Variants in NECAP1 observed in about 807,000 individuals in gnomAD.
NECAP1 encodes adaptin ear-binding coat-associated protein 1.
A neutral mutation model predicts 33.4 loss-of-function variants in NECAP1; 13 were observed. The ratio of observed to expected loss-of-function variants is 0.39; its 90% CI spans 0.25 to 0.62. The LOEUF (loss-of-function observed/expected upper bound fraction) is 0.62. NECAP1 is among the 20% of genes least tolerant of loss of function. The probability of loss-of-function intolerance (pLI) is 0.52; values close to 1 mark genes in which losing one functional copy is unlikely to be tolerated. For missense variants in NECAP1, 272 were observed against 347.4 expected (o/e 0.78, Z 1.73); for synonymous variants, 109 against 125.2 (o/e 0.87, Z 0.86).
In NECAP1 at chr12:8,096,178, T is replaced by G; in HGVS notation, c.*88T>G. Reference sequence around the variant, plus strand: ...CTGTGAGGGAAGTTAGGAACCCATTTCCTCCCCAGAACCAGAATGACTGGA... The same window carrying G: ...CTGTGAGGGAAGTTAGGAACCCATTGCCTCCCCAGAACCAGAATGACTGGA... On this transcript the variant is annotated 3_prime_UTR_variant, in exon 8 of 8. Transcript: ENST00000339754. The G allele has an allele frequency of 7.4e-7, 1 of 1,352,256 alleles. No individual in the cohort carries two copies. The highest frequency in any genetic ancestry group is 1.0e-6 in the Non-Finnish European group (1 of 964,210). 83.8% of individuals were successfully genotyped at this position (1,352,256 alleles called of 1,614,324 possible).
chr12:8,086,642 G>A (rs1005309236), intron 1 of NECAP1, among the ~76,000 whole-genome samples: 2 of 150,106 alleles, frequency 1.3e-5, no homozygotes, highest in Non-Finnish European at 3.0e-5. Flanking sequence ...ACTTACAAAT[G>A]CTTAGAAAAC....
chr12:8,093,107 G>C (rs1394310074), intron 6 of NECAP1, 52 bp downstream of exon 6: 1 of 1,541,970 alleles, frequency 6.5e-7, no homozygotes, highest in African/African-American at 1.4e-5. Context: ...TTTTAATTAA[G>C]CAACACCTGT....
rs750453987 is a variant in NECAP1 at position 8,090,310 on chromosome 12, T to A, written c.301+11T>A. 6.2e-7 allele frequency: 1 copy of A among 1,612,206 alleles called. No individual in the cohort carries two copies. The highest frequency in any genetic ancestry group is 2.2e-5 in the East Asian group (1 of 44,876). ...TCCAGGATGGTACTGGTAAGAGAAC[T>A]GGGATTTTGAGTGGAACGAAGTTAG... On this transcript the variant is annotated intron_variant, in intron 3 of 7. Transcript: ENST00000339754.
intron 1 of NECAP1, among the ~76,000 whole-genome samples, chr12:8,086,389 G>C (rs1052772073): frequency 6.6e-6 from 1 of 152,110 alleles, no homozygotes; most frequent in African/African-American, 2.4e-5. Flanking sequence ...GAGGCGCACG[G>C]ATCACTTAAG....
At chr12:8,085,308 G>A (rs111859734) in intron 1 of NECAP1, among the ~76,000 whole-genome samples, 5,114 of 152,158 alleles carry the variant, frequency 0.034, 105 homozygotes, top group Non-Finnish European at 0.038. Flanking sequence ...GTGAGCCACC[G>A]CACCCGGCCT....
Position 8,090,265 on chromosome 12 carries a change from C to A in NECAP1, c.267C>A (p.Ser89Arg). Residue 89 changes from serine to arginine, a missense_variant, in exon 3 of 8, where the codon AGC becomes AGA. Coordinates refer to ENST00000339754, the MANE Select transcript of NECAP1 (RefSeq NM_015509.4). ...CTGTGGAGACGGTGACAGATTCTAG[C>A]CGCTACTTTGTAATCCGGATCCAGG... Reference protein sequence around the residue: ...GIAVETVTDSSRYFVIRIQDG... With the variant: ...GIAVETVTDSRRYFVIRIQDG... The A allele has an allele frequency of 6.2e-7, 1 of 1,614,150 alleles. No homozygotes were observed. Among genetic ancestry groups the A allele is most frequent in the Non-Finnish European group, 8.5e-7 (1 of 1,180,022 alleles).
rs761008417 is a variant in NECAP1 at position 8,091,753 on chromosome 12, C to T, written c.302-16C>T. 6 of 1,613,296 alleles carry T rather than the reference C, an allele frequency of 3.7e-6. No homozygotes were observed. The South Asian group carries it at 6.6e-5, about 18-fold the overall frequency. ...AGAGGATACTTCCTAGTCGAGTCTT[C>T]CTACGTTTTCCACAGGGCGCAGTGC... On this transcript the variant is annotated splice_polypyrimidine_tract_variant and intron_variant, in intron 3 of 7. Coordinates refer to ENST00000339754, the MANE Select transcript of NECAP1 (RefSeq NM_015509.4).
In NECAP1 at chr12:8,090,259, T is replaced by C; in HGVS notation, c.261T>C (p.Asp87=). 6.2e-7 allele frequency: 1 copy of C among 1,614,206 alleles called. No individual in the cohort carries two copies. The highest frequency in any genetic ancestry group is 1.6e-4 in the Middle Eastern group (1 of 6,062). The change falls in exon 3 of 8, where the codon GAT becomes GAC. Residue 87 remains aspartate (D), a synonymous_variant. Transcript: ENST00000339754. ...GTATTGCTGTGGAGACGGTGACAGA[T>C]TCTAGCCGCTACTTTGTAATCCGGA... is the stretch of plus-strand genomic sequence containing the variant. ...YPGIAVETVT[D]SSRYFVIRIQ...
intron 1 of NECAP1, among the ~76,000 whole-genome samples, chr12:8,087,452 T>A (rs2120468258): frequency 6.6e-6 from 1 of 151,068 alleles, no homozygotes; most frequent in Admixed American, 6.6e-5. Flanking sequence ...TTGTTAAGTA[T>A]CGGACACTAG....
chr12:8,096,370 C>A lies in NECAP1; in HGVS notation c.*280C>A. The A allele has an allele frequency of 2.9e-6, 1 of 350,086 alleles. No homozygotes were observed. Among genetic ancestry groups the A allele is most frequent in the Non-Finnish European group, 5.2e-6 (1 of 192,326 alleles). 21.7% of individuals were successfully genotyped at this position (350,086 alleles called of 1,614,324 possible). A position where few individuals can be genotyped will look rare whatever the true frequency, so the allele number is the denominator to read the frequency against. ...GCTGACTATGCAGGGCTTAAAAGGC[C>A]AGCGTCTGTTTGAGGGGGAATGACC... On this transcript the variant is annotated 3_prime_UTR_variant, in exon 8 of 8. Transcript: ENST00000339754.
At chr12:8,093,229 G>A (rs1425247093) in intron 6 of NECAP1, 174 bp downstream of exon 6, 1 of 604,324 alleles carries the variant, frequency 1.7e-6, no homozygotes, top group Non-Finnish European at 2.8e-6. Context: ...AAGAGTCATA[G>A]TATCTCATAG....
chr12:8,089,061 T>C (rs982073865), intron 1 of NECAP1: 2 of 152,238 alleles, frequency 1.3e-5, no homozygotes, highest in Non-Finnish European at 2.9e-5. Flanking sequence ...CTTTCTAAGA[T>C]ACTAATTATG....
At position 8,082,277 on chromosome 12, in the gene NECAP1, A is replaced by T; in HGVS notation, c.-12A>T. 6.3e-7 allele frequency: 1 copy of T among 1,585,694 alleles called. No individual in the cohort carries two copies. Among genetic ancestry groups the T allele is most frequent in the Non-Finnish European group, 8.6e-7 (1 of 1,156,422 alleles). Reference sequence around the variant, plus strand: ...ACGTTTCGCCCCCGGCAGCGCCGACAGCGGACCCAAGATGGCGACCGAGTT... The same window carrying T: ...ACGTTTCGCCCCCGGCAGCGCCGACTGCGGACCCAAGATGGCGACCGAGTT... On this transcript the variant is annotated 5_prime_UTR_variant, in exon 1 of 8. Transcript: ENST00000339754.
intron 1 of NECAP1, among the ~76,000 whole-genome samples, chr12:8,084,468 C>T (rs1181030040): frequency 6.6e-6 from 1 of 151,952 alleles, no homozygotes; most frequent in Non-Finnish European, 1.5e-5. Context: ...TTCTGGGATA[C>T]ATGTGCAGAA....
At chr12:8,086,221 G>T (rs2120464077) in intron 1 of NECAP1, among the ~76,000 whole-genome samples, 1 of 152,278 alleles carries the variant, frequency 6.6e-6, no homozygotes, top group African/African-American at 2.4e-5. Flanking sequence ...TAAGATTAGA[G>T]AGAATAATTG....
chr12:8,087,623 A>G (rs1947504163), intron 1 of NECAP1, among the ~76,000 whole-genome samples: 1 of 151,512 alleles, frequency 6.6e-6, no homozygotes, highest in Non-Finnish European at 1.5e-5. Context: ...TCTTAGGCTC[A>G]GGCAGTCCTC....
At chr12:8,085,941 G>A (rs919423857) in intron 1 of NECAP1, among the ~76,000 whole-genome samples, 4 of 151,968 alleles carry the variant, frequency 2.6e-5, no homozygotes, top group Admixed American at 2.6e-4. Context: ...CTGGCCTCAG[G>A]CAATCCACCC....
At chr12:8,089,205 G>C (rs964118582) in intron 1 of NECAP1, 3 of 152,064 alleles carry the variant, frequency 2.0e-5, no homozygotes, top group African/African-American at 7.2e-5. Flanking sequence ...AATAAGTACT[G>C]TATAAATATT....
intron 4 of NECAP1, chr12:8,092,172 C>G: frequency 2.8e-6 from 1 of 361,536 alleles, no homozygotes; most frequent in Non-Finnish European, 5.2e-6. Context: ...GTGTGCCACT[C>G]TTGTTACCTT....
Sources: allele counts gnomAD v4.1 joint callset (sites outside exome capture counted in the v4.1 genomes callset), GRCh38; gene constraint gnomAD v4.1.1; transcripts MANE v1.5; gene names NCBI Gene and HGNC (gene_info 2026-07-23, HGNC 2026-07-21).